Variants in MAGI1 observed in about 807,000 individuals in gnomAD.
The protein encoded by MAGI1 is membrane associated guanylate kinase, WW and PDZ domain containing 1.
A neutral mutation model predicts 139.9 loss-of-function variants in MAGI1; 58 were observed. The observed-to-expected ratio is 0.41, with a 90% CI of 0.34 to 0.52. The LOEUF is 0.52. Among genes scored for constraint, MAGI1 ranks in the 20% least tolerant of loss-of-function variants. The probability of loss-of-function intolerance (pLI) is 0.12; values close to 1 mark genes in which losing one functional copy is unlikely to be tolerated. For synonymous variants in MAGI1, 812 were observed against 737.9 expected, an observed-to-expected ratio of 1.10 and a Z score of -1.63; for missense variants, 1,874 against 1,901.6, an observed-to-expected ratio of 0.99 and a Z score of 0.27.
intron 1 of MAGI1, among the ~76,000 whole-genome samples, chr3:65,689,509 T>C (rs1037665080): frequency 1.3e-5 from 2 of 152,222 alleles, no homozygotes; most frequent in Non-Finnish European, 2.9e-5. Context: ...CTCCTAGTTC[T>C]ACAATAATAA....
chr3:65,778,536 G>T (rs2038668816), intron 1 of MAGI1, among the ~76,000 whole-genome samples: 1 of 151,974 alleles, frequency 6.6e-6, no homozygotes, highest in Admixed American at 6.6e-5. Context: ...CCCATATAGT[G>T]CCCTTTACAT....
chr3:65,473,160 T>C (rs183360550), intron 4 of MAGI1, among the ~76,000 whole-genome samples: 1 of 152,286 alleles, frequency 6.6e-6, no homozygotes, highest in Admixed American at 6.5e-5. Context: ...AGTACCTCTA[T>C]CTTCATCAAA....
chr3:65,407,012 A>G lies in MAGI1; in HGVS notation c.2168-5542T>C, dbSNP rs185956181. Among the ~76,000 whole-genome samples, 13 of 152,320 alleles carry G rather than the reference A, an allele frequency of 8.5e-5. No homozygotes were observed. In the South Asian group the frequency reaches 2.5e-3, roughly 29 times the overall value. ...GTTATTCGAAAACCTATCAATGCAT[A>G]ATTCTAAATGTAGGACTTTAAATTT... On this transcript the variant is annotated intron_variant, in intron 12 of 22. Transcript: ENST00000402939.
At chr3:65,841,972 G>T (rs910988255) in intron 1 of MAGI1, among the ~76,000 whole-genome samples, 1 of 152,146 alleles carries the variant, frequency 6.6e-6, no homozygotes, top group African/African-American at 2.4e-5. Context: ...CTATAGACAA[G>T]AAGGAACTCA....
chr3:65,454,707 C>A (rs1244620113), intron 5 of MAGI1, among the ~76,000 whole-genome samples: 2 of 145,374 alleles, frequency 1.4e-5, no homozygotes, highest in African/African-American at 5.3e-5. Flanking sequence ...ATTTTTGATT[C>A]AAATCTTATT....
At chr3:65,774,300 GA>G (rs1210257859) in intron 1 of MAGI1, among the ~76,000 whole-genome samples, 2 of 152,120 alleles carry the variant, frequency 1.3e-5, no homozygotes, top group Non-Finnish European at 2.9e-5. Flanking sequence ...AGGCGTGGAA[GA>G]TACTTATCTT....
At chr3:65,434,409 C>T (rs1163239165) in intron 10 of MAGI1, among the ~76,000 whole-genome samples, 1 of 152,110 alleles carries the variant, frequency 6.6e-6, no homozygotes, top group East Asian at 1.9e-4. Context: ...AATCTCTCTC[C>T]AAGCATAAGC....
At chr3:65,578,667 C>A (rs1288263701) in intron 2 of MAGI1, among the ~76,000 whole-genome samples, 1 of 152,162 alleles carries the variant, frequency 6.6e-6, no homozygotes, top group Admixed American at 6.5e-5. Flanking sequence ...CGCCTGTAAT[C>A]CTAACACTTT....
intron 1 of MAGI1, among the ~76,000 whole-genome samples, chr3:65,653,959 A>T (rs1039726227): frequency 6.6e-6 from 1 of 152,194 alleles, no homozygotes; most frequent in Non-Finnish European, 1.5e-5. Context: ...ACACACAGTG[A>T]AATATGCAAG....
intron 2 of MAGI1, among the ~76,000 whole-genome samples, chr3:65,501,148 T>C (rs1425114774): frequency 6.6e-6 from 1 of 152,108 alleles, no homozygotes; most frequent in Admixed American, 6.5e-5. Flanking sequence ...ACAGACATCT[T>C]ATTTAATATG....
intron 1 of MAGI1, among the ~76,000 whole-genome samples, chr3:65,908,039 T>C (rs982671726): frequency 1.3e-5 from 2 of 152,036 alleles, no homozygotes; most frequent in Non-Finnish European, 2.9e-5. Flanking sequence ...CGAACACAAC[T>C]AAAAAAGAAT....
chr3:65,549,552 CGGCCAGGGTGTCCCCAGCCCGCTCG>C, intron 2 of MAGI1: 1 of 875,220 alleles, frequency 1.1e-6, no homozygotes, highest in Non-Finnish European at 1.4e-6. Flanking sequence ...GCAGTAGGCT[CGGCCAGGGTGTCCCCAGCCCGCTCG>C]GGCGGCAGCG....
intron 2 of MAGI1, among the ~76,000 whole-genome samples, chr3:65,609,200 G>A (rs956579499): frequency 7.2e-5 from 11 of 152,174 alleles, no homozygotes; most frequent in South Asian, 4.1e-4. Context: ...ATGTGTGTGC[G>A]TAAAAATTTA....
At chr3:65,965,665 T>A (rs2064703165) in intron 1 of MAGI1, among the ~76,000 whole-genome samples, 3 of 152,054 alleles carry the variant, frequency 2.0e-5, no homozygotes, top group Admixed American at 6.6e-5. Context: ...CACCCTTTTT[T>A]TTTTTCTTTT....
chr3:65,802,860 G>GTGTGTGTT (rs2040603965), intron 1 of MAGI1, among the ~76,000 whole-genome samples: 2 of 151,032 alleles, frequency 1.3e-5, no homozygotes, highest in African/African-American at 4.9e-5. Flanking sequence ...GTGTGTGTGT[G>GTGTGTGTT]TGTGTGTGTG....
At chr3:65,384,659 G>A (rs1943304699) in intron 14 of MAGI1, among the ~76,000 whole-genome samples, 1 of 152,150 alleles carries the variant, frequency 6.6e-6, no homozygotes, top group South Asian at 2.1e-4. Flanking sequence ...CTTGAGCCAG[G>A]GAGGTTGAGA....
At chr3:65,810,883 C>A (rs1027760293) in intron 1 of MAGI1, among the ~76,000 whole-genome samples, 2 of 152,192 alleles carry the variant, frequency 1.3e-5, no homozygotes, top group African/African-American at 2.4e-5. Flanking sequence ...CATGAGATTA[C>A]ATATTTCAGG....
intron 1 of MAGI1, among the ~76,000 whole-genome samples, chr3:66,005,657 G>T (rs770477682): frequency 1.3e-5 from 2 of 152,084 alleles, no homozygotes; most frequent in Non-Finnish European, 2.9e-5. Context: ...TGAGTGGAAG[G>T]GGGGAAATCA....
chr3:65,739,358 G>C (rs2035060618), intron 1 of MAGI1, among the ~76,000 whole-genome samples: 1 of 152,190 alleles, frequency 6.6e-6, no homozygotes, highest in Non-Finnish European at 1.5e-5. Context: ...TTAAGGAAAT[G>C]TTGTACCTGG....
Sources: allele counts gnomAD v4.1 joint callset (sites outside exome capture counted in the v4.1 genomes callset), GRCh38; gene constraint gnomAD v4.1.1; transcripts MANE v1.5; gene names NCBI Gene and HGNC (gene_info 2026-07-23, HGNC 2026-07-21).